The following FBXO9 variants were observed in gnomAD, a reference collection of about 807,000 sequenced individuals.
The protein encoded by FBXO9 is F-box protein 9.
FBXO9 carries 43 observed loss-of-function variants against 63.7 expected under a neutral mutation model. The observed-to-expected ratio is 0.67, with a 90% CI of 0.53 to 0.87. The LOEUF (loss-of-function observed/expected upper bound fraction) is 0.87. Among genes scored for constraint, FBXO9 ranks in the 40% least tolerant of loss-of-function variants. The probability of loss-of-function intolerance (pLI) is 0.00; values close to 1 mark genes in which losing one functional copy is unlikely to be tolerated. For synonymous variants in FBXO9, 156 were observed against 171.7 expected (o/e 0.91, Z 0.72); for missense variants, 442 against 533.2 (o/e 0.83, Z 1.68).
rs904659359 is a variant in FBXO9, at chr6:53,081,951, C to T, written c.539-553C>T. Among the ~76,000 whole-genome samples the T allele has an allele frequency of 5.3e-5, 8 of 152,150 alleles. 1 individual carries two copies. Among genetic ancestry groups the T allele is most frequent in the Non-Finnish European group, 1.5e-5 (1 of 68,006 alleles). ...GGGCGTCGTGGCGCATGACTGTAGT[C>T]CCACCTACTTGGGAGGCTGAGGCAC... On this transcript the variant is annotated intron_variant, in intron 6 of 12. Coordinates refer to ENST00000323557, the MANE Select transcript of FBXO9 (RefSeq NM_033480.3).
chr6:53,069,425 C>G (rs992869898), intron 1 of FBXO9, among the ~76,000 whole-genome samples: 2 of 152,176 alleles, frequency 1.3e-5, no homozygotes, highest in South Asian at 4.1e-4. Flanking sequence ...TTGCCTTAGA[C>G]TCAATTATGT....
rs1157600112 is a variant in FBXO9, at chr6:53,093,540, G to A, written c.938G>A (p.Arg313His). Residue 313 changes from arginine (R) to histidine (H), a missense_variant, in exon 10 of 13, where the codon CGT becomes CAT. Coordinates refer to ENST00000323557, the MANE Select transcript of FBXO9 (RefSeq NM_033480.3). ...GAAGAGCCTCAGTCCATTGTTCCAC[G>A]TTTAAGAACTAGGAATACCAGGTAG... ...TPEEPQSIVPRLRTRNTRTDA... is the reference protein window; with the variant it reads ...TPEEPQSIVPHLRTRNTRTDA... 12 of 1,613,294 alleles carry A rather than the reference G, an allele frequency of 7.4e-6. No homozygotes were observed. The highest frequency in any genetic ancestry group is 4.5e-5 in the East Asian group (2 of 44,854).
At chr6:53,087,482 TAC>T (rs1401789063) in intron 7 of FBXO9, among the ~76,000 whole-genome samples, 1 of 151,758 alleles carries the variant, frequency 6.6e-6, no homozygotes, top group Non-Finnish European at 1.5e-5. Flanking sequence ...AGCAAAAAGA[TAC>T]ACTCTTTCAA....
intron 1 of FBXO9, 74 bp downstream of exon 1, chr6:53,065,866 G>T (rs748534715): frequency 3.2e-6 from 4 of 1,257,904 alleles, no homozygotes; most frequent in Non-Finnish European, 4.0e-6. Flanking sequence ...CGGGCCTAGG[G>T]CTGGGGGTCG....
chr6:53,086,161 AAAAG>A (rs1341182801), intron 7 of FBXO9, among the ~76,000 whole-genome samples: 1 of 152,216 alleles, frequency 6.6e-6, no homozygotes, highest in Non-Finnish European at 1.5e-5. Flanking sequence ...AAAAAAAAGA[AAAAG>A]AAAATCTCAA....
chr6:53,083,420 C>T (rs781523135), intron 7 of FBXO9, among the ~76,000 whole-genome samples: 1 of 152,172 alleles, frequency 6.6e-6, no homozygotes, highest in Admixed American at 6.5e-5. Flanking sequence ...CAGATAGACT[C>T]TCTAAAAGAC....
intron 7 of FBXO9, among the ~76,000 whole-genome samples, chr6:53,084,882 C>T (rs1417445162): frequency 6.6e-6 from 1 of 152,024 alleles, no homozygotes; most frequent in African/African-American, 2.4e-5. Flanking sequence ...CTTTAGGCTT[C>T]ACTTAGGGTC....
intron 3 of FBXO9, among the ~76,000 whole-genome samples, chr6:53,075,471 C>A (rs1023478291): frequency 6.7e-6 from 1 of 150,338 alleles, no homozygotes; most frequent in African/African-American, 2.4e-5. Flanking sequence ...GTCTCGAACT[C>A]CTGACCTCAA....
chr6:53,089,113 G>A (rs1198888448), intron 7 of FBXO9, among the ~76,000 whole-genome samples: 4 of 150,102 alleles, frequency 2.7e-5, no homozygotes, highest in African/African-American at 7.4e-5. Context: ...TCGCTCTGCC[G>A]CCCAGGCTGC....
chr6:53,079,038 T>A, intron 5 of FBXO9, 140 bp downstream of exon 5: 1 of 424,116 alleles, frequency 2.4e-6, no homozygotes, highest in Non-Finnish European at 4.0e-6. Context: ...GTTGTAGAAA[T>A]TTTTTAATTA....
intron 12 of FBXO9, among the ~76,000 whole-genome samples, chr6:53,096,462 T>G (rs563718743): frequency 6.6e-6 from 1 of 152,340 alleles, no homozygotes; most frequent in East Asian, 1.9e-4. Context: ...CTGTGTCACA[T>G]TTCCACTTTA....
At chr6:53,092,610 C>T (rs566139117) in intron 8 of FBXO9, 63 bp downstream of exon 8, 44 of 1,486,166 alleles carry the variant, frequency 3.0e-5, no homozygotes, top group African/African-American at 2.2e-4. Flanking sequence ...TTTATAAATA[C>T]GCCGTTTAAA....
At position 53,099,321 on chromosome 6, in the gene FBXO9, A is replaced by G. The variant is rs1036243491; in HGVS notation, c.*1491A>G. 2 of 152,150 alleles carry G rather than the reference A, an allele frequency of 1.3e-5. No individual in the cohort carries two copies. The highest frequency in any genetic ancestry group is 2.9e-5 in the Non-Finnish European group (2 of 68,170). 9.4% of individuals were successfully genotyped at this position (152,150 alleles called of 1,614,324 possible). On this transcript the variant is annotated 3_prime_UTR_variant, in exon 13 of 13. Transcript: ENST00000323557. ...GGCAGGAGAATTGCCTGAGCCTGGG[A>G]AGTGGAAGTTGCAGTGAGCCAAGAT...
chr6:53,082,837 T>C (rs917541813), intron 7 of FBXO9, among the ~76,000 whole-genome samples: 3 of 152,198 alleles, frequency 2.0e-5, no homozygotes, highest in Non-Finnish European at 2.9e-5. Context: ...GTAGGACAGA[T>C]GTAGTAACCC....
intron 3 of FBXO9, among the ~76,000 whole-genome samples, chr6:53,075,739 T>TA (rs1404655473): frequency 1.4e-3 from 148 of 105,296 alleles, no homozygotes; most frequent in African/African-American, 4.3e-3. Context: ...ATATAATTAT[T>TA]TTTTTTTTTT....
Position 53,093,948 on chromosome 6 carries a change from A to C in FBXO9, c.1023A>C (p.Val341=), listed in dbSNP as rs1043182774. ...LSQDTDNQTK[V]FAVITKKKEE... ...AAGACACAGACAATCAGACCAAAGT[A>C]TTTGCTGTAATAACTAAGAAAAAAG... Residue 341 remains valine (V), a synonymous_variant, in exon 11 of 13, where the codon GTA becomes GTC. Coordinates refer to ENST00000323557, the MANE Select transcript of FBXO9 (RefSeq NM_033480.3). The C allele has an allele frequency of 6.4e-7, 1 of 1,553,534 alleles. No individual in the cohort carries two copies. Among genetic ancestry groups the C allele is most frequent in the Non-Finnish European group, 8.7e-7 (1 of 1,147,968 alleles).
chr6:53,073,468 G>A lies in FBXO9; in HGVS notation c.91-13G>A, dbSNP rs987422960. 6.2e-7 allele frequency: 1 copy of A among 1,611,740 alleles called. No individual in the cohort carries two copies. Among genetic ancestry groups the A allele is most frequent in the African/African-American group, 1.3e-5 (1 of 74,798 alleles). On this transcript the variant is annotated splice_polypyrimidine_tract_variant and intron_variant, in intron 2 of 12. Transcript: ENST00000323557. Reference sequence around the variant, plus strand: ...CTTCCTTGATGAGTCCTAAAATGCTGTTCTCCCCATAGGCACAACTCCAGA... The same window carrying A: ...CTTCCTTGATGAGTCCTAAAATGCTATTCTCCCCATAGGCACAACTCCAGA...
intron 4 of FBXO9, among the ~76,000 whole-genome samples, chr6:53,078,144 T>A (rs1181802845): frequency 6.6e-6 from 1 of 152,218 alleles, no homozygotes; most frequent in Non-Finnish European, 1.5e-5. Flanking sequence ...ACTCTGTGTC[T>A]TAGAAAAGTT....
At chr6:53,078,057 A>C (rs1483816091) in intron 4 of FBXO9, among the ~76,000 whole-genome samples, 2 of 152,232 alleles carry the variant, frequency 1.3e-5, no homozygotes, top group Non-Finnish European at 2.9e-5. Context: ...AAAGAAGTTA[A>C]ATTTAAAGGA....
Sources: gnomAD v4.1 joint callset for allele counts (sites outside exome capture counted in the v4.1 genomes callset) on GRCh38, gnomAD v4.1.1 for gene constraint, MANE v1.5 for transcripts, NCBI Gene and HGNC (gene_info 2026-07-23, HGNC 2026-07-21) for gene names.